The following TLE3 variants were observed in gnomAD, a reference collection of about 807,000 sequenced individuals.
TLE3 encodes the protein TLE family member 3, transcriptional corepressor.
In TLE3, 14 loss-of-function variants were observed where a neutral mutation model predicts 93.0. That is an observed-to-expected ratio of 0.15 (90% confidence interval 0.10 to 0.24). The LOEUF is 0.24. Among genes scored for constraint, TLE3 ranks in the 10% least tolerant of loss-of-function variants. The pLI, the probability that TLE3 is intolerant of heterozygous loss-of-function variation, is 1.00. For synonymous variants in TLE3, 451 were observed against 425.0 expected, an observed-to-expected ratio of 1.06 and a Z score of -0.75; for missense variants, 693 against 1,046.6, an observed-to-expected ratio of 0.66 and a Z score of 4.66.
At chr15:70,095,716 T>C in intron 2 of TLE3, 75 bp from the exon 3 acceptor site, 4 of 1,500,038 alleles carry the variant, frequency 2.7e-6, no homozygotes, top group South Asian at 1.3e-5. Context: ...CAAGGGCCTC[T>C]AGAGCCACTT....
rs1353048804 is a variant in TLE3 at position 70,049,980 on chromosome 15, ACGCT to A, written c.*113_*116del. The stretch of plus-strand genomic sequence containing the variant: ...TCAGCCGGCCGGAGCGCAGCCCTGA[ACGCT>A]CGGCTGCCTGCGGCCCATCCTCCGC... On this transcript the variant is annotated 3_prime_UTR_variant, in exon 20 of 20. Coordinates refer to ENST00000451782, the MANE Select transcript of TLE3 (RefSeq NM_001105192.3). The A allele has an allele frequency of 6.1e-6, 5 of 813,122 alleles. No individual in the cohort carries two copies. In the African/African-American group the frequency reaches 8.5e-5, roughly 14 times the overall value. 50.4% of individuals were successfully genotyped at this position (813,122 alleles called of 1,614,324 possible). A position where few individuals can be genotyped will look rare whatever the true frequency, so the allele number is the denominator to read the frequency against.
rs945330589 is a variant in TLE3, at chr15:70,050,008, G to A, written c.*89C>T. 75 of 1,139,638 alleles carry A rather than the reference G, an allele frequency of 6.6e-5. No homozygotes were observed. Among genetic ancestry groups the A allele is most frequent in the Admixed American group, 4.8e-4 (27 of 56,250 alleles). The allele number at this position is 1,139,638 out of a possible 1,614,324, so 70.6% of individuals were successfully genotyped here. On this transcript the variant is annotated 3_prime_UTR_variant, in exon 20 of 20. Coordinates refer to ENST00000451782, the MANE Select transcript of TLE3 (RefSeq NM_001105192.3). Reference sequence around the variant, plus strand: ...CTCGGCTGCCTGCGGCCCATCCTCCGCCATCCTCGGGGCCCCTCGCCTGGG... The same window carrying A: ...CTCGGCTGCCTGCGGCCCATCCTCCACCATCCTCGGGGCCCCTCGCCTGGG...
At chr15:70,060,830 CT>C in intron 8 of TLE3, 181 bp from the exon 9 acceptor site, 1 of 953,956 alleles carries the variant, frequency 1.0e-6, no homozygotes, top group East Asian at 3.0e-5. Context: ...CCCCACTCCC[CT>C]GAGACTGAGT....
At chr15:70,084,783 G>A (rs988493595) in intron 4 of TLE3, among the ~76,000 whole-genome samples, 1 of 152,240 alleles carries the variant, frequency 6.6e-6, no homozygotes, top group Non-Finnish European at 1.5e-5. Context: ...AAAGGGCTCT[G>A]AGAAATCTTA....
At chr15:70,085,861 T>C (rs2058016728) in intron 4 of TLE3, among the ~76,000 whole-genome samples, 1 of 152,254 alleles carries the variant, frequency 6.6e-6, no homozygotes, top group African/African-American at 2.4e-5. Context: ...ACCATCAATC[T>C]CAATTCTTCC....
chr15:70,094,756 G>T, intron 3 of TLE3, 180 bp from the exon 4 acceptor site: 1 of 589,970 alleles, frequency 1.7e-6, no homozygotes, highest in East Asian at 2.9e-5. Flanking sequence ...AAGGGCGAGC[G>T]TTCCTCTCAT....
chr15:70,092,463 G>T (rs1289373815), intron 4 of TLE3, among the ~76,000 whole-genome samples: 1 of 152,206 alleles, frequency 6.6e-6, no homozygotes, highest in African/African-American at 2.4e-5. Flanking sequence ...GCCCAGTGGG[G>T]AAGCCAGAGG....
At chr15:70,065,979 G>GGCCCCCCCCCC in intron 7 of TLE3, 35 bp downstream of exon 7, 3 of 1,089,098 alleles carry the variant, frequency 2.8e-6, no homozygotes, top group South Asian at 1.3e-5. Context: ...GCCCACCCCT[G>GGCCCCCCCCCC]CCCCGCCCCA....
chr15:70,053,187 A>G lies in TLE3; in HGVS notation c.1974+40T>C, dbSNP rs773094365. On this transcript the variant is annotated intron_variant, in intron 17 of 19. Coordinates refer to ENST00000451782, the MANE Select transcript of TLE3 (RefSeq NM_001105192.3). ...CACTGGGGCCCCGGAGGGAGGGAAC[A>G]CACTGCTCTTTGGGAAGGGAGGAGT... 6 of 1,592,606 alleles carry G rather than the reference A, an allele frequency of 3.8e-6. No homozygotes were observed. In the South Asian group the frequency reaches 6.8e-5, roughly 18 times the overall value.
intron 9 of TLE3, 53 bp from the exon 10 acceptor site, chr15:70,059,513 C>T (rs2056324884): frequency 1.1e-5 from 17 of 1,559,186 alleles, no homozygotes; most frequent in Non-Finnish European, 1.4e-5. Flanking sequence ...CTTTCCCCAC[C>T]CCTGACTGAG....
chr15:70,093,718 G>C (rs1277085812), intron 4 of TLE3, among the ~76,000 whole-genome samples: 1 of 152,180 alleles, frequency 6.6e-6, no homozygotes, highest in East Asian at 1.9e-4. Context: ...TGAGATAAAG[G>C]GTGTTTGTAT....
In TLE3 at chr15:70,058,521, GC is replaced by G; in HGVS notation, c.918+141del. ...CAGAAACGTTAACTCATTAGCACAGGCCCAGCAGGCACAGAAGGTAAACCGG... is the reference window on the plus strand; with the variant it reads ...CAGAAACGTTAACTCATTAGCACAGGCCAGCAGGCACAGAAGGTAAACCGG... On this transcript the variant is annotated intron_variant, in intron 11 of 19. Coordinates refer to ENST00000451782, the MANE Select transcript of TLE3 (RefSeq NM_001105192.3). This position sits in a 1 kb window ranked among gnomAD's most constrained non-coding sequence, Gnocchi z 4.1. 1 of 1,338,006 alleles carries G rather than the reference GC, an allele frequency of 7.5e-7. No homozygotes were observed. The highest frequency in any genetic ancestry group is 2.5e-5 in the East Asian group (1 of 39,486). The allele number at this position is 1,338,006 out of a possible 1,614,324, so 82.9% of individuals were successfully genotyped here.
At position 70,069,828 on chromosome 15, in the gene TLE3, T is replaced by TC. The variant is rs2057038350; in HGVS notation, c.373-3611dup. Among the ~76,000 whole-genome samples the TC allele has an allele frequency of 3.9e-5, 6 of 152,346 alleles. No individual in the cohort carries two copies. The South Asian group carries it at 1.2e-3, about 32-fold the overall frequency. On this transcript the variant is annotated intron_variant, in intron 6 of 19. Coordinates refer to ENST00000451782, the MANE Select transcript of TLE3 (RefSeq NM_001105192.3). ...TGGGCAAAGCCCCACCTGACCCCCG[T>TC]CCCTATCACAGCTCAGCACCTCTGC...
chr15:70,065,524 G>T (rs1006240139), intron 7 of TLE3, among the ~76,000 whole-genome samples: 4 of 152,264 alleles, frequency 2.6e-5, no homozygotes, highest in African/African-American at 9.6e-5. Context: ...AGACATAGAT[G>T]TAAGGAAAAC....
chr15:70,059,698 G>C lies in TLE3; in HGVS notation c.715-238C>G, dbSNP rs2270869. Reference sequence around the variant, plus strand: ...GGTTACTCCACTCCTGTACCCACTGGGCAGCCGCACTGACACCCGCTCCAT... The same window carrying C: ...GGTTACTCCACTCCTGTACCCACTGCGCAGCCGCACTGACACCCGCTCCAT... On this transcript the variant is annotated intron_variant, in intron 9 of 19. Coordinates refer to ENST00000451782, the MANE Select transcript of TLE3 (RefSeq NM_001105192.3). 8.9e-4 allele frequency among the ~76,000 whole-genome samples: 136 copies of C among 152,254 alleles called. 3 individuals are homozygous for C. In the East Asian group the frequency reaches 0.025, roughly 28 times the overall value.
At chr15:70,056,438 C>A in intron 13 of TLE3, 64 bp from the exon 14 acceptor site, 3 of 1,489,566 alleles carry the variant, frequency 2.0e-6, no homozygotes, top group Non-Finnish European at 1.8e-6. Context: ...CCCCTGCCTC[C>A]TCCACCACCC....
chr15:70,064,371 A>T, intron 8 of TLE3, 83 bp downstream of exon 8: 1 of 1,556,722 alleles, frequency 6.4e-7, no homozygotes, highest in Non-Finnish European at 8.8e-7. Context: ...GACTGGTCTC[A>T]GGCCCGCGAT....
At chr15:70,054,944 A>G in intron 15 of TLE3, 105 bp downstream of exon 15, 1 of 1,447,802 alleles carries the variant, frequency 6.9e-7, no homozygotes, top group Non-Finnish European at 9.1e-7. Flanking sequence ...AAAGTTGCTC[A>G]GCCAATACGA....
chr15:70,054,600 A>T lies in TLE3; in HGVS notation c.1664T>A (p.Ile555Asn). ...GGGCGTGGGCGAGGCCAGGTCCCAGATGGTGAGCGTGCTGGCCTCGCCGCC... is the reference window on the plus strand; with the variant it reads ...GGGCGTGGGCGAGGCCAGGTCCCAGTTGGTGAGCGTGCTGGCCTCGCCGCC... The part of the protein sequence containing the change: ...IVGGEASTLT[I>N]WDLASPTPRI... The change falls in exon 16 of 20, where the codon ATC becomes AAC. Residue 555 changes from isoleucine to asparagine, a missense_variant. Transcript: ENST00000451782. The T allele has an allele frequency of 6.2e-7, 1 of 1,613,342 alleles. No individual in the cohort carries two copies. Among genetic ancestry groups the T allele is most frequent in the Non-Finnish European group, 8.5e-7 (1 of 1,179,616 alleles).
Sources: gnomAD v4.1 joint callset for allele counts (sites outside exome capture counted in the v4.1 genomes callset) on GRCh38, gnomAD v4.1.1 for gene constraint, Gnocchi (gnomAD v3.1) non-coding constraint, MANE v1.5 for transcripts, NCBI Gene and HGNC (gene_info 2026-07-23, HGNC 2026-07-21) for gene names.